The following PTPRO variants were observed in gnomAD, a reference collection of about 807,000 sequenced individuals.
PTPRO encodes protein tyrosine phosphatase receptor type O.
A neutral mutation model predicts 145.2 loss-of-function variants in PTPRO; 62 were observed. The ratio of observed to expected loss-of-function variants is 0.43; its 90% CI spans 0.35 to 0.53. The LOEUF (loss-of-function observed/expected upper bound fraction) is 0.53. PTPRO is among the 20% of genes least tolerant of loss of function. The pLI is 0.01. For missense variants in PTPRO, 1,345 were observed against 1,482.7 expected, an observed-to-expected ratio of 0.91 and a Z score of 1.53; for synonymous variants, 565 against 514.7, an observed-to-expected ratio of 1.10 and a Z score of -1.32.
intron 1 of PTPRO, among the ~76,000 whole-genome samples, chr12:15,373,679 A>G (rs1938597197): frequency 6.6e-6 from 1 of 152,210 alleles, no homozygotes; most frequent in Admixed American, 6.5e-5. Context: ...CTATGTGCAA[A>G]TCATTTTATA....
chr12:15,449,293 T>A (rs1591821565), intron 1 of PTPRO, among the ~76,000 whole-genome samples: 2 of 152,232 alleles, frequency 1.3e-5, no homozygotes, highest in South Asian at 4.1e-4. Context: ...TTGTTACAGG[T>A]GCATACTCCT....
rs188951203 is a variant in PTPRO at position 15,595,085 on chromosome 12, G to T, written c.*16+28G>T. Reference sequence around the variant, plus strand: ...AAGTGGAGAAGAGCTCTCCACGAGTGCTCAGTCTTAGAACTATTAGAGGGG... The same window carrying T: ...AAGTGGAGAAGAGCTCTCCACGAGTTCTCAGTCTTAGAACTATTAGAGGGG... On this transcript the variant is annotated intron_variant, in intron 26 of 26. Coordinates refer to ENST00000281171, the MANE Select transcript of PTPRO (RefSeq NM_030667.3). 7.6e-3 allele frequency: 11,258 copies of T among 1,474,788 alleles called. 55 individuals are homozygous for T. The highest frequency in any genetic ancestry group is 9.6e-3 in the Non-Finnish European group (10,125 of 1,055,934). 91.4% of individuals were successfully genotyped at this position (1,474,788 alleles called of 1,614,324 possible). A position where few individuals can be genotyped will look rare whatever the true frequency, so the allele number is the denominator to read the frequency against.
intron 12 of PTPRO, among the ~76,000 whole-genome samples, chr12:15,541,220 T>A (rs1478424692): frequency 2.6e-5 from 4 of 152,234 alleles, no homozygotes; most frequent in African/African-American, 9.6e-5. Flanking sequence ...AGCCAGGAGA[T>A]GTTCCATAAC....
intron 1 of PTPRO, among the ~76,000 whole-genome samples, chr12:15,324,736 A>C (rs1168864837): frequency 6.6e-6 from 1 of 152,130 alleles, no homozygotes; most frequent in Non-Finnish European, 1.5e-5. Context: ...TATATTAAAT[A>C]CCTTCTATGT....
intron 2 of PTPRO, among the ~76,000 whole-genome samples, chr12:15,488,068 C>T (rs12828268): frequency 0.54 from 82,220 of 151,942 alleles, 23,084 homozygotes; most frequent in Middle Eastern, 0.67. Context: ...GGTTCACTTG[C>T]TACCTCACCT....
chr12:15,585,272 G>A (rs1204234588), intron 23 of PTPRO, among the ~76,000 whole-genome samples: 1 of 152,190 alleles, frequency 6.6e-6, no homozygotes, highest in African/African-American at 2.4e-5. Flanking sequence ...AAGTTATCTG[G>A]TGGCTGAGTA....
intron 12 of PTPRO, among the ~76,000 whole-genome samples, chr12:15,541,442 G>T (rs1057018903): frequency 3.9e-5 from 6 of 152,096 alleles, no homozygotes; most frequent in Admixed American, 3.3e-4. Flanking sequence ...AGTTTGCTAG[G>T]GCTGTCATAG....
intron 1 of PTPRO, among the ~76,000 whole-genome samples, chr12:15,337,904 G>A (rs150898211): frequency 1.3e-5 from 2 of 152,282 alleles, no homozygotes; most frequent in East Asian, 1.9e-4. Context: ...TAGGGGAATG[G>A]GGAATAGCTG....
chr12:15,432,468 G>T (rs909270531), intron 1 of PTPRO, among the ~76,000 whole-genome samples: 2 of 152,200 alleles, frequency 1.3e-5, no homozygotes, highest in African/African-American at 2.4e-5. Flanking sequence ...GAATATATAT[G>T]TGCATGTGTC....
intron 1 of PTPRO, among the ~76,000 whole-genome samples, chr12:15,456,750 A>G (rs559236750): frequency 9.5e-4 from 144 of 152,316 alleles, no homozygotes; most frequent in Non-Finnish European, 1.6e-3. Context: ...GTACTGGTAT[A>G]TAATTGTTCA....
intron 12 of PTPRO, among the ~76,000 whole-genome samples, chr12:15,528,449 C>T (rs1478976992): frequency 2.0e-5 from 3 of 148,952 alleles, no homozygotes; most frequent in African/African-American, 7.4e-5. Flanking sequence ...GATGTGAACT[C>T]AGGAGGTGGA....
At chr12:15,534,384 TTAAC>T (rs1943025195) in intron 12 of PTPRO, among the ~76,000 whole-genome samples, 1 of 152,176 alleles carries the variant, frequency 6.6e-6, no homozygotes, top group Admixed American at 6.5e-5. Flanking sequence ...ATCAATCCAT[TTAAC>T]TAATATATAT....
chr12:15,417,214 C>A (rs1183343181), intron 1 of PTPRO, among the ~76,000 whole-genome samples: 1 of 151,628 alleles, frequency 6.6e-6, no homozygotes, highest in Non-Finnish European at 1.5e-5. Context: ...GGACATACAG[C>A]CTGATAAACC....
chr12:15,421,702 C>T (rs1940151582), intron 1 of PTPRO, among the ~76,000 whole-genome samples: 1 of 152,224 alleles, frequency 6.6e-6, no homozygotes. Context: ...TTCTCATTTC[C>T]AATAATTTAT....
chr12:15,539,615 A>G (rs1943137635), intron 12 of PTPRO, among the ~76,000 whole-genome samples: 1 of 151,858 alleles, frequency 6.6e-6, no homozygotes, highest in Non-Finnish European at 1.5e-5. Context: ...TACAAAAATT[A>G]GCTGGGTGTA....
chr12:15,447,780 G>C (rs1330794613), intron 1 of PTPRO, among the ~76,000 whole-genome samples: 1 of 152,002 alleles, frequency 6.6e-6, no homozygotes, highest in Admixed American at 6.6e-5. Context: ...GACAATTATA[G>C]GTACATTGAG....
chr12:15,565,722 G>A (rs553774916), intron 18 of PTPRO, 94 bp downstream of exon 18: 28 of 961,078 alleles, frequency 2.9e-5, no homozygotes, highest in East Asian at 5.0e-5. Flanking sequence ...GAGAAGGGAC[G>A]CTTAAGAAAG....
chr12:15,565,477 A>G (rs112895268), intron 17 of PTPRO, 116 bp from the exon 18 acceptor site: 4 of 692,822 alleles, frequency 5.8e-6, no homozygotes, highest in African/African-American at 3.6e-5. Flanking sequence ...GTGTTTAATG[A>G]AAATTAAATA....
intron 1 of PTPRO, among the ~76,000 whole-genome samples, chr12:15,344,615 A>C (rs560468322): frequency 6.6e-6 from 1 of 152,366 alleles, no homozygotes; most frequent in Non-Finnish European, 1.5e-5. Context: ...TATAAAATTT[A>C]CTTAATGAAG....
Sources: allele counts gnomAD v4.1 joint callset (sites outside exome capture counted in the v4.1 genomes callset), GRCh38; gene constraint gnomAD v4.1.1; transcripts MANE v1.5; gene names NCBI Gene and HGNC (gene_info 2026-07-23, HGNC 2026-07-21).